The following AREL1 variants were observed in gnomAD, a reference collection of about 807,000 sequenced individuals.
AREL1 encodes the protein apoptosis resistant E3 ubiquitin protein ligase 1, also known as apoptosis-resistant E3 ubiquitin protein ligase 1.
In AREL1, 62 loss-of-function variants were observed where a neutral mutation model predicts 99.0. That is an observed-to-expected ratio of 0.63 (90% CI 0.51 to 0.77). The LOEUF is 0.77. Among genes scored for constraint, AREL1 ranks in the 30% least tolerant of loss-of-function variants. AREL1 has a pLI of 0.00. For missense variants in AREL1, 879 were observed against 1,027.6 expected, an observed-to-expected ratio of 0.86 and a Z score of 1.98; for synonymous variants, 380 against 376.5, an observed-to-expected ratio of 1.01 and a Z score of -0.11.
intron 11 of AREL1, 45 bp from the exon 12 acceptor site, chr14:74,671,528 T>C: frequency 7.4e-7 from 1 of 1,355,260 alleles, no homozygotes; most frequent in Non-Finnish European, 1.0e-6. Context: ...CACTGGCTGG[T>C]GTCCTCTGGA....
intron 2 of AREL1, among the ~76,000 whole-genome samples, chr14:74,686,113 TAAAGCAAGTA>T (rs1300270481): frequency 4.6e-5 from 7 of 152,060 alleles, no homozygotes; most frequent in Non-Finnish European, 1.0e-4. Context: ...TTTTTTTTTT[TAAAGCAAGTA>T]TCATTATCAT....
At chr14:74,688,304 C>A (rs913368546) in intron 2 of AREL1, among the ~76,000 whole-genome samples, 5 of 152,000 alleles carry the variant, frequency 3.3e-5, no homozygotes, top group Non-Finnish European at 7.4e-5. Flanking sequence ...GGATTACAGG[C>A]GTGAGCCACC....
At chr14:74,687,867 C>G (rs61978883) in intron 2 of AREL1, among the ~76,000 whole-genome samples, 213 of 152,226 alleles carry the variant, frequency 1.4e-3, no homozygotes, top group Middle Eastern at 0.01. Context: ...AGAAATGCAT[C>G]TGAATTTCAA....
intron 3 of AREL1, 97 bp downstream of exon 3, chr14:74,685,503 G>A: frequency 7.2e-7 from 1 of 1,392,142 alleles, no homozygotes; most frequent in Non-Finnish European, 1.0e-6. Flanking sequence ...AATATTTTCA[G>A]CTCCATTTTC....
At chr14:74,681,788 A>G (rs990161677) in intron 5 of AREL1, among the ~76,000 whole-genome samples, 5 of 145,076 alleles carry the variant, frequency 3.4e-5, no homozygotes, top group South Asian at 2.3e-4. Flanking sequence ...GAAAAAAAAA[A>G]AAAGAAAGAA....
chr14:74,679,901 G>A (rs1342365703), intron 5 of AREL1, among the ~76,000 whole-genome samples: 1 of 151,978 alleles, frequency 6.6e-6, no homozygotes, highest in African/African-American at 2.4e-5. Context: ...AAAGGGCCAG[G>A]TGTGGTGGCT....
rs897365498 is a variant in AREL1 at position 74,662,940 on chromosome 14, C to G, written c.*780G>C. The G allele has an allele frequency of 3.8e-5, 10 of 262,878 alleles. No individual in the cohort carries two copies. In the Admixed American group the frequency reaches 5.4e-4, roughly 14 times the overall value. The allele number at this position is 262,878 out of a possible 1,614,324, so 16.3% of individuals were successfully genotyped here. A position where few individuals can be genotyped will look rare whatever the true frequency, so the allele number is the denominator to read the frequency against. On this transcript the variant is annotated 3_prime_UTR_variant, in exon 20 of 20. Transcript: ENST00000356357. ...AAAGCATCAGTAGTCTCCAAGCCAG[C>G]CATATGCCTAGGCATGCCCCACTCT...
intron 17 of AREL1, 37 bp from the exon 18 acceptor site, chr14:74,664,962 G>C: frequency 6.4e-7 from 1 of 1,561,946 alleles, no homozygotes; most frequent in African/African-American, 1.4e-5. Context: ...ATGACAGTCA[G>C]AGAGACAAAG....
At chr14:74,682,085 G>T (rs901651373) in intron 5 of AREL1, among the ~76,000 whole-genome samples, 2 of 152,190 alleles carry the variant, frequency 1.3e-5, no homozygotes, top group Admixed American at 6.5e-5. Context: ...TCCACTGGTG[G>T]CAAAGAGGTG....
chr14:74,669,038 G>A (rs2089271753), intron 15 of AREL1, among the ~76,000 whole-genome samples: 1 of 151,706 alleles, frequency 6.6e-6, no homozygotes, highest in African/African-American at 2.4e-5. Context: ...TAGGACCACA[G>A]GCACACGCCA....
chr14:74,670,998 G>A (rs370460576), intron 12 of AREL1, 127 bp from the exon 13 acceptor site: 14 of 703,308 alleles, frequency 2.0e-5, no homozygotes, highest in Non-Finnish European at 2.9e-5. Flanking sequence ...TCTCCGTTGC[G>A]ACTCATCTAA....
intron 3 of AREL1, 28 bp from the exon 4 acceptor site, chr14:74,684,708 G>T: frequency 6.3e-7 from 1 of 1,596,996 alleles, no homozygotes; most frequent in Non-Finnish European, 8.6e-7. Flanking sequence ...CACACAAACC[G>T]CCTGCCAGTT....
At chr14:74,665,149 TAA>T (rs977559982) in intron 17 of AREL1, among the ~76,000 whole-genome samples, 2 of 152,126 alleles carry the variant, frequency 1.3e-5, no homozygotes, top group African/African-American at 4.8e-5. Context: ...ACATGGCTTT[TAA>T]AATATATATT....
intron 1 of AREL1, among the ~76,000 whole-genome samples, chr14:74,708,246 A>C (rs1281052463): frequency 6.6e-6 from 1 of 152,186 alleles, no homozygotes; most frequent in African/African-American, 2.4e-5. Flanking sequence ...AATTTAAAAC[A>C]ATTTAATTAC....
intron 1 of AREL1, chr14:74,698,858 T>TAAAAAAA (rs547639633): frequency 2.7e-5 from 3 of 110,328 alleles, no homozygotes; most frequent in Admixed American, 9.9e-5. Flanking sequence ...ATCCCATCTC[T>TAAAAAAA]AAAAAAAAAA....
chr14:74,670,255 T>C, intron 13 of AREL1, 129 bp from the exon 14 acceptor site: 1 of 966,728 alleles, frequency 1.0e-6, no homozygotes, highest in Non-Finnish European at 1.4e-6. Flanking sequence ...CCCATCCAAA[T>C]GTTAGTTTTT....
chr14:74,665,238 GA>G (rs1045364582), intron 17 of AREL1, among the ~76,000 whole-genome samples: 1 of 148,440 alleles, frequency 6.7e-6, no homozygotes, highest in African/African-American at 2.5e-5. Context: ...TATACAGGAA[GA>G]AAAAAAATTG....
chr14:74,703,428 T>C (rs2090120917), intron 1 of AREL1, among the ~76,000 whole-genome samples: 2 of 152,182 alleles, frequency 1.3e-5, no homozygotes, highest in Admixed American at 6.6e-5. Flanking sequence ...ATGGGAATTA[T>C]GGGAGCTAAA....
In AREL1 at chr14:74,683,375, C is replaced by T; in HGVS notation, c.402G>A (p.Lys134=). 1.9e-6 allele frequency: 3 copies of T among 1,614,156 alleles called. No homozygotes were observed. The highest frequency in any genetic ancestry group is 2.5e-6 in the Non-Finnish European group (3 of 1,180,022). Residue 134 remains lysine, a synonymous_variant, in exon 5 of 20, where the codon AAG becomes AAA. Transcript: ENST00000356357. The part of the protein sequence containing the change: ...NVVKVAFTVR[K]AGRYEITVKL... ...TCACTGTGATTTCATAACGCCCAGCCTTGCGCACAGTGAAGGCCACTTTTA... is the reference window on the plus strand; with the variant it reads ...TCACTGTGATTTCATAACGCCCAGCTTTGCGCACAGTGAAGGCCACTTTTA...
Sources: allele counts gnomAD v4.1 joint callset (sites outside exome capture counted in the v4.1 genomes callset), GRCh38; gene constraint gnomAD v4.1.1; transcripts MANE v1.5; gene names NCBI Gene and HGNC (gene_info 2026-07-23, HGNC 2026-07-21).